The following SLC25A21 variants were observed in gnomAD, a reference collection of about 807,000 sequenced individuals.
SLC25A21 encodes the protein solute carrier family 25 member 21, also known as mitochondrial 2-oxodicarboxylate carrier.
Under a neutral mutation model 43.8 loss-of-function variants are expected in SLC25A21, and 47 were observed. That is an observed-to-expected ratio of 1.07 (90% confidence interval 0.85 to 1.37). SLC25A21 has a LOEUF of 1.37. SLC25A21 is among the 40% of genes most tolerant of loss of function. The probability of loss-of-function intolerance (pLI) is 0.00; values close to 1 mark genes in which losing one functional copy is unlikely to be tolerated. For synonymous variants in SLC25A21, 131 were observed against 121.3 expected, an observed-to-expected ratio of 1.08 and a Z score of -0.52; for missense variants, 352 against 350.2, an observed-to-expected ratio of 1.00 and a Z score of -0.04.
intron 2 of SLC25A21, among the ~76,000 whole-genome samples, chr14:36,830,588 A>C (rs1889003016): frequency 1.3e-5 from 2 of 152,164 alleles, no homozygotes; most frequent in African/African-American, 4.8e-5. Flanking sequence ...TCTCTGGAAA[A>C]AGACAAAGTG....
At position 36,873,587 on chromosome 14, in the gene SLC25A21, C is replaced by T. The variant is rs551322562; in HGVS notation, c.119+1369G>A. ...CTAGGATTACAGGCGTGAGCCACCG[C>T]GCAGGGCCCCTGGTTTTCTTCTTTC... On this transcript the variant is annotated intron_variant, in intron 2 of 9. Transcript: ENST00000331299. Among the ~76,000 whole-genome samples, 6 of 152,202 alleles carry T rather than the reference C, an allele frequency of 3.9e-5. No individual in the cohort carries two copies. The East Asian group carries it at 5.8e-4, about 15-fold the overall frequency.
chr14:36,773,676 C>T (rs1255799540), intron 3 of SLC25A21, among the ~76,000 whole-genome samples: 1 of 152,172 alleles, frequency 6.6e-6, no homozygotes, highest in Non-Finnish European at 1.5e-5. Context: ...CACCAGAGAT[C>T]CACCAGTGCA....
At chr14:36,754,948 A>G (rs1885868418) in intron 3 of SLC25A21, among the ~76,000 whole-genome samples, 1 of 152,214 alleles carries the variant, frequency 6.6e-6, no homozygotes, top group African/African-American at 2.4e-5. Flanking sequence ...AGAAAACTCA[A>G]TACACAGTTA....
At chr14:36,894,898 T>A (rs2138588255) in intron 1 of SLC25A21, among the ~76,000 whole-genome samples, 1 of 152,356 alleles carries the variant, frequency 6.6e-6, no homozygotes, top group Admixed American at 6.5e-5. Context: ...ACCCACTTGA[T>A]CACGGTGGAT....
At chr14:37,152,922 G>A (rs532347290) in intron 1 of SLC25A21, among the ~76,000 whole-genome samples, 1 of 152,218 alleles carries the variant, frequency 6.6e-6, no homozygotes, top group Non-Finnish European at 1.5e-5. Flanking sequence ...CTTCAAATAC[G>A]TTATCCAAGA....
At chr14:37,020,007 A>G (rs1960949658) in intron 1 of SLC25A21, among the ~76,000 whole-genome samples, 1 of 152,036 alleles carries the variant, frequency 6.6e-6, no homozygotes, top group African/African-American at 2.4e-5. Context: ...TAAAATAAGT[A>G]TAATTTTTAT....
At chr14:37,015,019 C>T (rs1399811980) in intron 1 of SLC25A21, among the ~76,000 whole-genome samples, 2 of 151,956 alleles carry the variant, frequency 1.3e-5, no homozygotes. Context: ...TTATAGGGCA[C>T]AGCAGATTTG....
chr14:36,946,504 G>C (rs974943114), intron 1 of SLC25A21, among the ~76,000 whole-genome samples: 9 of 152,082 alleles, frequency 5.9e-5, no homozygotes, highest in African/African-American at 2.2e-4. Context: ...TGAAAGTTTA[G>C]TGTTTGTGTC....
chr14:36,743,129 G>T (rs771098088), intron 3 of SLC25A21, among the ~76,000 whole-genome samples: 3 of 152,116 alleles, frequency 2.0e-5, no homozygotes, highest in Non-Finnish European at 4.4e-5. Flanking sequence ...TTCAGCCCAA[G>T]AAAGGCCTTA....
chr14:37,040,752 C>T (rs185667877), intron 1 of SLC25A21, among the ~76,000 whole-genome samples: 255 of 151,504 alleles, frequency 1.7e-3, no homozygotes, highest in African/African-American at 5.3e-3. Flanking sequence ...GACTTGGAGA[C>T]GTGGACAGAT....
At chr14:37,077,614 T>C (rs1405054667) in intron 1 of SLC25A21, among the ~76,000 whole-genome samples, 1 of 152,220 alleles carries the variant, frequency 6.6e-6, no homozygotes, top group Non-Finnish European at 1.5e-5. Context: ...TTCTATTTCA[T>C]ACTACCCTAC....
intron 1 of SLC25A21, among the ~76,000 whole-genome samples, chr14:37,117,009 TA>T (rs1411711421): frequency 6.6e-6 from 1 of 152,190 alleles, no homozygotes; most frequent in Non-Finnish European, 1.5e-5. Flanking sequence ...AATCTTGGCT[TA>T]TACTTTTAAA....
rs538989590 is a variant in SLC25A21, at chr14:36,938,068, G to A, written c.71-63064C>T. 5.1e-4 allele frequency among the ~76,000 whole-genome samples: 78 copies of A among 151,946 alleles called. 2 individuals are homozygous for A. Among genetic ancestry groups the A allele is most frequent in the Non-Finnish European group, 8.8e-5 (6 of 67,958 alleles). On this transcript the variant is annotated intron_variant, in intron 1 of 9. Coordinates refer to ENST00000331299, the MANE Select transcript of SLC25A21 (RefSeq NM_030631.4). ...GTTTGGCTTGTTTTTTCTTTTGGGT[G>A]CTCAGCAAAATGCTGCAAAAATGGT...
At chr14:36,930,494 G>C (rs1385753799) in intron 1 of SLC25A21, among the ~76,000 whole-genome samples, 1 of 151,936 alleles carries the variant, frequency 6.6e-6, no homozygotes, top group African/African-American at 2.4e-5. Context: ...CTTAATTCTA[G>C]CCATTCCTCT....
At chr14:36,878,228 T>C (rs1890604728) in intron 1 of SLC25A21, among the ~76,000 whole-genome samples, 1 of 152,150 alleles carries the variant, frequency 6.6e-6, no homozygotes, top group African/African-American at 2.4e-5. Flanking sequence ...TGAAACTACC[T>C]GCAAAACTGT....
intron 1 of SLC25A21, among the ~76,000 whole-genome samples, chr14:37,166,663 T>C (rs1964034980): frequency 6.6e-6 from 1 of 152,224 alleles, no homozygotes; most frequent in Admixed American, 6.5e-5. Flanking sequence ...CATATGCTAA[T>C]GAAAATGTTA....
At chr14:36,843,391 T>C (rs1367912601) in intron 2 of SLC25A21, among the ~76,000 whole-genome samples, 1 of 152,216 alleles carries the variant, frequency 6.6e-6, no homozygotes, top group Non-Finnish European at 1.5e-5. Flanking sequence ...AGGATCCTAA[T>C]CAGGTAGGTA....
intron 6 of SLC25A21, among the ~76,000 whole-genome samples, chr14:36,721,464 T>C (rs1306321296): frequency 6.6e-6 from 1 of 152,180 alleles, no homozygotes; most frequent in Non-Finnish European, 1.5e-5. Context: ...GACTGATCAC[T>C]ACCATTTTAC....
intron 1 of SLC25A21, among the ~76,000 whole-genome samples, chr14:37,140,454 C>T (rs1224444701): frequency 6.6e-6 from 1 of 152,188 alleles, no homozygotes; most frequent in Non-Finnish European, 1.5e-5. Flanking sequence ...CTCTGCTGAA[C>T]TGCCTACTAA....
Sources: allele counts gnomAD v4.1 joint callset (sites outside exome capture counted in the v4.1 genomes callset), GRCh38; gene constraint gnomAD v4.1.1; transcripts MANE v1.5; gene names NCBI Gene and HGNC (gene_info 2026-07-23, HGNC 2026-07-21).